Variants in TMEM117 observed in about 807,000 individuals in gnomAD.
TMEM117 encodes the protein transmembrane protein 117.
In TMEM117, 27 loss-of-function variants were observed where a neutral mutation model predicts 52.4. The observed-to-expected ratio is 0.51, with a 90% CI of 0.38 to 0.71. TMEM117 has a LOEUF of 0.71. TMEM117 is among the 30% of genes least tolerant of loss of function. TMEM117 has a pLI of 0.00. For missense variants in TMEM117, 556 were observed against 630.5 expected (o/e 0.88, Z 1.26); for synonymous variants, 215 against 206.3 (o/e 1.04, Z -0.36).
intron 5 of TMEM117, among the ~76,000 whole-genome samples, chr12:44,212,674 C>T (rs944373872): frequency 2.0e-5 from 3 of 152,004 alleles, no homozygotes; most frequent in Admixed American, 2.0e-4. Context: ...AATGTACGCC[C>T]ACCAGATAAG....
chr12:43,853,432 T>A (rs1040719397), intron 2 of TMEM117, among the ~76,000 whole-genome samples: 1 of 152,070 alleles, frequency 6.6e-6, no homozygotes, highest in African/African-American at 2.4e-5. Context: ...CCTGCCACCA[T>A]ACCCAGCTAA....
intron 6 of TMEM117, among the ~76,000 whole-genome samples, chr12:44,305,784 A>G (rs1950896035): frequency 6.6e-6 from 1 of 152,230 alleles, no homozygotes; most frequent in Non-Finnish European, 1.5e-5. Flanking sequence ...ACTAGCATTC[A>G]ACCCAGCAAT....
intron 4 of TMEM117, among the ~76,000 whole-genome samples, chr12:44,146,018 T>C (rs2138207343): frequency 6.6e-6 from 1 of 152,342 alleles, no homozygotes; most frequent in East Asian, 1.9e-4. Context: ...CTTTATTGGT[T>C]CATTATTATT....
chr12:44,017,624 C>G (rs1432391652), intron 3 of TMEM117, among the ~76,000 whole-genome samples: 1 of 152,008 alleles, frequency 6.6e-6, no homozygotes. Flanking sequence ...GAAGTAAGAA[C>G]AAAATATATC....
At chr12:44,304,717 G>T (rs970670846) in intron 6 of TMEM117, among the ~76,000 whole-genome samples, 1 of 152,174 alleles carries the variant, frequency 6.6e-6, no homozygotes, top group Non-Finnish European at 1.5e-5. Flanking sequence ...GGGCCAGAAG[G>T]GAACCCACTG....
chr12:44,365,804 G>A (rs1334488108), intron 6 of TMEM117, among the ~76,000 whole-genome samples: 1 of 151,784 alleles, frequency 6.6e-6, no homozygotes, highest in Non-Finnish European at 1.5e-5. Flanking sequence ...TGTGCAGAAC[G>A]TGCAGGTTTG....
At chr12:44,366,084 G>C (rs1371454258) in intron 6 of TMEM117, among the ~76,000 whole-genome samples, 4 of 152,038 alleles carry the variant, frequency 2.6e-5, no homozygotes, top group Non-Finnish European at 5.9e-5. Context: ...TGAGCATTGA[G>C]TAACTGTTGA....
At chr12:43,849,161 T>C (rs774396872) in intron 2 of TMEM117, among the ~76,000 whole-genome samples, 43 of 152,162 alleles carry the variant, frequency 2.8e-4, no homozygotes, top group Middle Eastern at 3.2e-3. Flanking sequence ...ATAGTAATTA[T>C]ATGGATAGAA....
chr12:44,275,772 G>A (rs1261354329), intron 5 of TMEM117, among the ~76,000 whole-genome samples: 1 of 151,918 alleles, frequency 6.6e-6, no homozygotes, highest in Non-Finnish European at 1.5e-5. Context: ...TGGACATAGA[G>A]AGTAGAAGGA....
At chr12:43,949,878 A>G (rs1249429819) in intron 3 of TMEM117, among the ~76,000 whole-genome samples, 1 of 152,170 alleles carries the variant, frequency 6.6e-6, no homozygotes, top group Non-Finnish European at 1.5e-5. Context: ...TGATTTTAAT[A>G]TACAGTTTCC....
chr12:44,193,339 A>G (rs1418099690), intron 4 of TMEM117, among the ~76,000 whole-genome samples: 1 of 152,246 alleles, frequency 6.6e-6, no homozygotes, highest in Admixed American at 6.5e-5. Context: ...TAAGTAAAAC[A>G]GCAATCTTTT....
At chr12:44,016,646 C>CT (rs2137822342) in intron 3 of TMEM117, among the ~76,000 whole-genome samples, 2 of 152,316 alleles carry the variant, frequency 1.3e-5, no homozygotes, top group Admixed American at 6.5e-5. Flanking sequence ...CCACACTTCC[C>CT]TTTATTCTTT....
intron 2 of TMEM117, among the ~76,000 whole-genome samples, chr12:43,864,915 C>T (rs1410994733): frequency 6.6e-6 from 1 of 152,164 alleles, no homozygotes; most frequent in Admixed American, 6.5e-5. Context: ...TCTGCAGCTT[C>T]ACTCCTGAAG....
At position 44,243,857 on chromosome 12, in the gene TMEM117, A is replaced by G. The variant is rs143692116; in HGVS notation, c.608+32470A>G. On this transcript the variant is annotated intron_variant, in intron 5 of 7. Transcript: ENST00000266534. ...CATTCAACTTTTTAAGATTCCACAC[A>G]TAAGTGAGTGAGACCATGCAGTACT... Among the ~76,000 whole-genome samples, 548 of 151,806 alleles carry G rather than the reference A, an allele frequency of 3.6e-3. 3 individuals are homozygous for G. Among genetic ancestry groups the G allele is most frequent in the East Asian group, 0.015 (75 of 5,168 alleles).
chr12:44,242,201 C>A (rs1173891748), intron 5 of TMEM117, among the ~76,000 whole-genome samples: 1 of 151,472 alleles, frequency 6.6e-6, no homozygotes, highest in Non-Finnish European at 1.5e-5. Flanking sequence ...AAACTCATGT[C>A]ATGGGGGTTT....
rs1951431556 is a variant in TMEM117 at position 44,342,561 on chromosome 12, T to A, written c.769-34034T>A. Among the ~76,000 whole-genome samples, 3 of 151,884 alleles carry A rather than the reference T, an allele frequency of 2.0e-5. 1 individual carries two copies. The Middle Eastern group carries it at 0.01, about 517-fold the overall frequency. ...ATTTATCAAGGTCAGCCTGCAACAATTTGCATATGTAGGCAGAGTGTTCCC... is the reference window on the plus strand; with the variant it reads ...ATTTATCAAGGTCAGCCTGCAACAAATTGCATATGTAGGCAGAGTGTTCCC... On this transcript the variant is annotated intron_variant, in intron 6 of 7. Coordinates refer to ENST00000266534, the MANE Select transcript of TMEM117 (RefSeq NM_032256.3).
chr12:44,241,002 G>C (rs1950054679), intron 5 of TMEM117, among the ~76,000 whole-genome samples: 1 of 151,870 alleles, frequency 6.6e-6, no homozygotes, highest in Admixed American at 6.6e-5. Flanking sequence ...TGTTATCCGT[G>C]TGAATTGGTT....
At chr12:43,865,105 C>T (rs1229469510) in intron 2 of TMEM117, among the ~76,000 whole-genome samples, 2 of 152,144 alleles carry the variant, frequency 1.3e-5, no homozygotes, top group East Asian at 1.9e-4. Context: ...ACTCCGGACC[C>T]GCTGCCTTTA....
chr12:44,276,310 G>A (rs557846230), intron 5 of TMEM117, among the ~76,000 whole-genome samples: 3 of 152,216 alleles, frequency 2.0e-5, no homozygotes, highest in South Asian at 4.1e-4. Flanking sequence ...TAGTATTCAA[G>A]TTTTAAAAAG....
Sources: allele counts gnomAD v4.1 joint callset (sites outside exome capture counted in the v4.1 genomes callset), GRCh38; gene constraint gnomAD v4.1.1; transcripts MANE v1.5; gene names NCBI Gene and HGNC (gene_info 2026-07-23, HGNC 2026-07-21).